LINGO2: variants seen among roughly 807,000 people sequenced by gnomAD.
LINGO2 encodes the protein leucine rich repeat and Ig domain containing 2, also known as leucine-rich repeat and immunoglobulin-like domain-containing nogo receptor-interacting protein 2.
Under a neutral mutation model 30.6 loss-of-function variants are expected in LINGO2, and 14 were observed. The observed-to-expected ratio is 0.46, with a 90% CI of 0.30 to 0.72. LINGO2 has a LOEUF of 0.72. Ranked by LOEUF, LINGO2 falls within the 30% of genes least tolerant of loss-of-function variation. The pLI, the probability that LINGO2 is intolerant of heterozygous loss-of-function variation, is 0.07. For missense variants in LINGO2, 729 were observed against 751.7 expected, an observed-to-expected ratio of 0.97 and a Z score of 0.35; for synonymous variants, 317 against 288.5, an observed-to-expected ratio of 1.10 and a Z score of -1.00.
the LINGO2 span, among the ~76,000 whole-genome samples, chr9:28,937,345 G>A: frequency 5.9e-5 from 9 of 152,100 alleles, no homozygotes; most frequent in South Asian, 4.1e-4. Flanking sequence ...ATGAACCTGC[G>A]AAACCTAACA....
In LINGO2 at chr9:28,148,646, C is replaced by G. The variant is rs940399584; in HGVS notation, c.-86-136241G>C. On this transcript the variant is annotated intron_variant, in intron 4 of 5. Coordinates refer to ENST00000379992, the Ensembl canonical transcript of LINGO2. This position sits in a 1 kb window ranked among gnomAD's most constrained non-coding sequence, Gnocchi z 5.1. ...CCTCAAGAGCTTGACAGAAAACAAC[C>G]AGACTGACAAGGCCCAGGTGCCTGC... 2 of 1,531,416 alleles carry G rather than the reference C, an allele frequency of 1.3e-6. No individual in the cohort carries two copies. The highest frequency in any genetic ancestry group is 4.9e-5 in the East Asian group (2 of 40,894). 94.9% of individuals were successfully genotyped at this position (1,531,416 alleles called of 1,614,324 possible).
chr9:28,605,962 G>T (rs537719179), intron 1 of LINGO2, among the ~76,000 whole-genome samples: 4 of 152,048 alleles, frequency 2.6e-5, no homozygotes, highest in African/African-American at 4.8e-5. Context: ...TATCAGAGTC[G>T]ATTCTTTCTT....
At chr9:29,151,727 GA>G in the LINGO2 span, among the ~76,000 whole-genome samples, 1 of 152,120 alleles carries the variant, frequency 6.6e-6, no homozygotes, top group Non-Finnish European at 1.5e-5. Flanking sequence ...ATAAAACACT[GA>G]AGCACTCAGA....
chr9:29,211,548 C>G, the LINGO2 span, among the ~76,000 whole-genome samples: 2 of 149,358 alleles, frequency 1.3e-5, no homozygotes, highest in East Asian at 2.0e-4. Flanking sequence ...ACCATGACTT[C>G]CTTCTCATCC....
chr9:28,069,759 C>A (rs1428974740), intron 4 of LINGO2, among the ~76,000 whole-genome samples: 1 of 152,138 alleles, frequency 6.6e-6, no homozygotes, highest in Non-Finnish European at 1.5e-5. Flanking sequence ...ATGGAGAAGG[C>A]CAGAGACATC....
chr9:28,784,038 C>T, the LINGO2 span, among the ~76,000 whole-genome samples: 2 of 152,196 alleles, frequency 1.3e-5, no homozygotes, highest in African/African-American at 4.8e-5. Context: ...AACACCATCT[C>T]ATTCGGGTTT....
chr9:28,798,147 G>A, the LINGO2 span, among the ~76,000 whole-genome samples: 421 of 152,226 alleles, frequency 2.8e-3, 2 homozygotes, highest in Middle Eastern at 6.8e-3. Flanking sequence ...TTATTTCTTA[G>A]AACTTCATTG....
chr9:27,951,502 A>C lies in LINGO2; in HGVS notation c.-35-796T>G, dbSNP rs1028908517. Among the ~76,000 whole-genome samples, 7 of 152,222 alleles carry C rather than the reference A, an allele frequency of 4.6e-5. No individual in the cohort carries two copies. The South Asian group carries it at 1.4e-3, about 31-fold the overall frequency. Reference sequence around the variant, plus strand: ...GGGAAGATAAATAATTTTCAGAAAAAGTATCATTTAATGATAAATGAACTA... The same window carrying C: ...GGGAAGATAAATAATTTTCAGAAAACGTATCATTTAATGATAAATGAACTA... On this transcript the variant is annotated intron_variant, in intron 5 of 5. Coordinates refer to ENST00000379992, the Ensembl canonical transcript of LINGO2.
intron 4 of LINGO2, among the ~76,000 whole-genome samples, chr9:28,281,578 T>C (rs1823327660): frequency 6.6e-6 from 1 of 152,046 alleles, no homozygotes; most frequent in Non-Finnish European, 1.5e-5. Context: ...CAGTCACTGT[T>C]TTAGGAATGA....
chr9:28,034,032 A>G (rs1233830253), intron 4 of LINGO2, among the ~76,000 whole-genome samples: 1 of 152,202 alleles, frequency 6.6e-6, no homozygotes, highest in African/African-American at 2.4e-5. Context: ...GCCTTAGCGA[A>G]GCTTCATGTG....
the LINGO2 span, among the ~76,000 whole-genome samples, chr9:29,138,512 C>A: frequency 6.6e-6 from 1 of 152,046 alleles, no homozygotes; most frequent in East Asian, 1.9e-4. Context: ...CTTTACTTTT[C>A]TATATTTGAC....
chr9:28,519,634 A>G (rs185743915), intron 1 of LINGO2, among the ~76,000 whole-genome samples: 161 of 152,330 alleles, frequency 1.1e-3, no homozygotes, highest in Admixed American at 6.0e-3. Flanking sequence ...TTGTAGAGTC[A>G]TAGAACTGCC....
chr9:28,900,087 G>A, the LINGO2 span, among the ~76,000 whole-genome samples: 2 of 151,996 alleles, frequency 1.3e-5, no homozygotes, highest in African/African-American at 2.4e-5. Flanking sequence ...GGTCCTCACG[G>A]CCCTAGGCTC....
chr9:28,040,473 G>C (rs1238571722), intron 4 of LINGO2, among the ~76,000 whole-genome samples: 1 of 127,324 alleles, frequency 7.9e-6, no homozygotes, highest in African/African-American at 3.0e-5. Flanking sequence ...TCACAAGACA[G>C]ATGGCTCTTC....
chr9:28,705,057 G>A, the LINGO2 span, among the ~76,000 whole-genome samples: 1 of 151,908 alleles, frequency 6.6e-6, no homozygotes, highest in Admixed American at 6.6e-5. Context: ...TGGGATTACA[G>A]GTAAGCACCA....
At chr9:28,548,307 C>T (rs1822059337) in intron 1 of LINGO2, among the ~76,000 whole-genome samples, 1 of 152,018 alleles carries the variant, frequency 6.6e-6, no homozygotes. Context: ...CCATAGTAGA[C>T]AAGGTTTTGA....
chr9:28,646,615 C>T (rs1052559502), intron 1 of LINGO2, among the ~76,000 whole-genome samples: 8 of 152,010 alleles, frequency 5.3e-5, no homozygotes, highest in African/African-American at 1.9e-4. Flanking sequence ...TGGGGAAACA[C>T]TCTTTTTTCA....
At chr9:28,892,288 T>C in the LINGO2 span, among the ~76,000 whole-genome samples, 1 of 151,970 alleles carries the variant, frequency 6.6e-6, no homozygotes, top group African/African-American at 2.4e-5. Flanking sequence ...TTCTCCATAG[T>C]GATTGCCACT....
chr9:28,743,739 A>G, the LINGO2 span, among the ~76,000 whole-genome samples: 1 of 151,224 alleles, frequency 6.6e-6, no homozygotes, highest in South Asian at 2.1e-4. Context: ...TGCTTTCAAG[A>G]TTTTTCTATT....
Sources: allele counts gnomAD v4.1 joint callset (sites outside exome capture counted in the v4.1 genomes callset), GRCh38; gene constraint gnomAD v4.1.1; non-coding constraint Gnocchi (gnomAD v3.1); transcripts MANE v1.5; gene names NCBI Gene and HGNC (gene_info 2026-07-23, HGNC 2026-07-21).